Variants in FAM81B observed in about 807,000 individuals in gnomAD.
The protein encoded by FAM81B is family with sequence similarity 81 member B.
In FAM81B, 60 loss-of-function variants were observed where a neutral mutation model predicts 58.7. The ratio of observed to expected loss-of-function variants is 1.02; its 90% CI spans 0.83 to 1.27. FAM81B has a LOEUF of 1.27. Ranked by LOEUF, FAM81B falls within the 50% of genes most tolerant of loss-of-function variation. The pLI is 0.00. For missense variants in FAM81B, 491 were observed against 522.0 expected (o/e 0.94, Z 0.58); for synonymous variants, 189 against 179.6 (o/e 1.05, Z -0.42).
chr5:95,410,644 C>T (rs1762381664), intron 3 of FAM81B: 1 of 152,128 alleles, frequency 6.6e-6, no homozygotes, highest in Non-Finnish European at 1.5e-5. Flanking sequence ...TATACATCTA[C>T]ATAAGTATAT....
intron 3 of FAM81B, among the ~76,000 whole-genome samples, chr5:95,407,406 AC>A (rs1762280104): frequency 6.7e-6 from 1 of 149,502 alleles, no homozygotes; most frequent in Non-Finnish European, 1.5e-5. Flanking sequence ...ACACACACAC[AC>A]ACGCACACAC....
At chr5:95,400,527 C>T (rs921924729) in intron 3 of FAM81B, among the ~76,000 whole-genome samples, 1 of 152,078 alleles carries the variant, frequency 6.6e-6, no homozygotes, top group Non-Finnish European at 1.5e-5. Context: ...TAGGACCTCA[C>T]CTTAACTAAT....
intron 1 of FAM81B, among the ~76,000 whole-genome samples, 192 bp from the exon 2 acceptor site, chr5:95,392,602 A>G (rs1048977643): frequency 2.0e-5 from 3 of 152,214 alleles, no homozygotes; most frequent in African/African-American, 7.2e-5. Flanking sequence ...CTTCTAGCTA[A>G]CTATAGATGT....
chr5:95,422,659 T>C (rs1250697593), intron 5 of FAM81B, among the ~76,000 whole-genome samples: 3 of 152,196 alleles, frequency 2.0e-5, no homozygotes, highest in Non-Finnish European at 4.4e-5. Context: ...ATTTCAAACA[T>C]GTTTTAAATG....
rs776130664 is a variant in FAM81B at position 95,436,815 on chromosome 5, G to C, written c.802G>C (p.Gly268Arg). The C allele has an allele frequency of 6.8e-6, 11 of 1,613,284 alleles. No individual in the cohort carries two copies. In the Admixed American group the frequency reaches 1.8e-4, roughly 27 times the overall value. The change falls in exon 7 of 10, where the codon GGA becomes CGA. Residue 268 changes from glycine (G) to arginine (R), a missense_variant. Gly to Arg is a moderately radical substitution (Grantham distance 125). Coordinates refer to ENST00000283357, the MANE Select transcript of FAM81B (RefSeq NM_152548.3). ...NLDMKVMQLL[G>R]KIETASSEQT... is the part of the protein sequence containing the mutation. ...CTTTGACTAGGTGATGCAGCTCTTA[G>C]GAAAGATAGAAACTGCCAGTTCTGA...
chr5:95,399,926 G>A (rs1762062505), intron 3 of FAM81B, among the ~76,000 whole-genome samples: 1 of 152,216 alleles, frequency 6.6e-6, no homozygotes, highest in Non-Finnish European at 1.5e-5. Context: ...AAGCTGCTGT[G>A]ATGTAGGAGA....
intron 3 of FAM81B, among the ~76,000 whole-genome samples, chr5:95,406,955 G>A (rs370714710): frequency 6.6e-6 from 1 of 152,060 alleles, no homozygotes; most frequent in Non-Finnish European, 1.5e-5. Context: ...CTTGCTGAAA[G>A]CTTTATTTTC....
At chr5:95,426,090 G>C (rs1363516136) in intron 5 of FAM81B, among the ~76,000 whole-genome samples, 2 of 66,060 alleles carry the variant, frequency 3.0e-5, no homozygotes, top group African/African-American at 1.6e-4. Flanking sequence ...TCCTATCTCT[G>C]TGTGTATATA....
At chr5:95,423,956 A>G (rs1762755559) in intron 5 of FAM81B, 19 of 1,245,412 alleles carry the variant, frequency 1.5e-5, no homozygotes, top group Non-Finnish European at 2.0e-5. Flanking sequence ...GAGAAAGACA[A>G]CATGTCCCCT....
chr5:95,427,238 T>C (rs1762869673), intron 5 of FAM81B, among the ~76,000 whole-genome samples: 1 of 152,154 alleles, frequency 6.6e-6, no homozygotes, highest in South Asian at 2.1e-4. Context: ...CAGCCACTCC[T>C]GAGCAGTCTT....
intron 7 of FAM81B, among the ~76,000 whole-genome samples, chr5:95,441,715 T>C (rs1745361098): frequency 6.6e-6 from 1 of 152,244 alleles, no homozygotes; most frequent in African/African-American, 2.4e-5. Context: ...CAGTGTTTTC[T>C]GACACTTTTC....
intron 5 of FAM81B, among the ~76,000 whole-genome samples, chr5:95,424,819 CT>C (rs1762780910): frequency 6.6e-6 from 1 of 152,046 alleles, no homozygotes; most frequent in Admixed American, 6.5e-5. Context: ...GCATCTTTTA[CT>C]TTGATAAAAT....
intron 4 of FAM81B, among the ~76,000 whole-genome samples, chr5:95,416,970 A>G (rs1416470237): frequency 6.6e-6 from 1 of 152,066 alleles, no homozygotes; most frequent in African/African-American, 2.4e-5. Flanking sequence ...CCTGAGCCCA[A>G]GAGGTGAAGG....
At chr5:95,395,900 A>G (rs1761952728) in intron 2 of FAM81B, among the ~76,000 whole-genome samples, 2 of 152,220 alleles carry the variant, frequency 1.3e-5, no homozygotes, top group South Asian at 2.1e-4. Context: ...TACCAAATCT[A>G]TGAAATACAG....
At chr5:95,445,381 GA>G (rs1745517449) in intron 7 of FAM81B, among the ~76,000 whole-genome samples, 1 of 152,090 alleles carries the variant, frequency 6.6e-6, no homozygotes, top group Non-Finnish European at 1.5e-5. Context: ...GTCACATGCA[GA>G]AAACACACAC....
Position 95,391,402 on chromosome 5 carries a change from T to A in FAM81B, c.13T>A (p.Phe5Ile). MQLQ[F>I]LGTLASSEKR... The stretch of plus-strand genomic sequence containing the variant: ...GACCTTAGTTAGGATGCAATTACAA[T>A]TCCTTGGTACATTGGCTTCCTCAGA... Residue 5 changes from phenylalanine to isoleucine, a missense_variant, in exon 1 of 10, where the codon TTC (phenylalanine) becomes ATC (isoleucine). By Grantham distance (21) the Phe-to-Ile change is conservative. Coordinates refer to ENST00000283357, the MANE Select transcript of FAM81B (RefSeq NM_152548.3). 6.2e-7 allele frequency: 1 copy of A among 1,613,084 alleles called. No individual in the cohort carries two copies. The highest frequency in any genetic ancestry group is 8.5e-7 in the Non-Finnish European group (1 of 1,179,478).
At chr5:95,411,210 A>C (rs1762396721) in intron 3 of FAM81B, among the ~76,000 whole-genome samples, 1 of 152,230 alleles carries the variant, frequency 6.6e-6, no homozygotes, top group Non-Finnish European at 1.5e-5. Context: ...TGGATGACCT[A>C]GGACCAGTTA....
chr5:95,432,474 G>T (rs1012192087), intron 6 of FAM81B, among the ~76,000 whole-genome samples: 4 of 152,048 alleles, frequency 2.6e-5, no homozygotes, highest in African/African-American at 7.2e-5. Context: ...GGATTTGGTA[G>T]CTTTGCTTCT....
At chr5:95,405,208 C>T (rs1480445027) in intron 3 of FAM81B, among the ~76,000 whole-genome samples, 1 of 152,178 alleles carries the variant, frequency 6.6e-6, no homozygotes, top group Non-Finnish European at 1.5e-5. Context: ...ACATGACTAG[C>T]ATTAATGTCC....
Sources: allele counts gnomAD v4.1 joint callset (sites outside exome capture counted in the v4.1 genomes callset), GRCh38; gene constraint gnomAD v4.1.1; transcripts MANE v1.5; gene names NCBI Gene and HGNC (gene_info 2026-07-23, HGNC 2026-07-21).